CNBD1: variants seen among roughly 807,000 people sequenced by gnomAD.
CNBD1 encodes the protein cyclic nucleotide binding domain containing 1, also known as cyclic nucleotide-binding domain-containing protein 1.
In CNBD1, 71 loss-of-function variants were observed where a neutral mutation model predicts 54.4. The observed-to-expected ratio is 1.30, with a 90% CI of 1.08 to 1.59. CNBD1 has a LOEUF of 1.59. CNBD1 is among the 40% of genes most tolerant of loss of function. CNBD1 has a pLI of 0.00. For missense variants in CNBD1, 659 were observed against 518.0 expected (o/e 1.27, Z -2.64); for synonymous variants, 182 against 170.7 (o/e 1.07, Z -0.51).
chr8:86,867,215 T>C (rs1186986874), intron 1 of CNBD1, among the ~76,000 whole-genome samples: 1 of 148,934 alleles, frequency 6.7e-6, no homozygotes, highest in Non-Finnish European at 1.5e-5. Flanking sequence ...CTCATGGCCA[T>C]CGAATTTATA....
chr8:86,870,642 G>A (rs1343467859), intron 1 of CNBD1, among the ~76,000 whole-genome samples: 2 of 151,986 alleles, frequency 1.3e-5, no homozygotes, highest in Non-Finnish European at 2.9e-5. Context: ...TCAGTTCTTT[G>A]GTAGCCAAGG....
intron 4 of CNBD1, among the ~76,000 whole-genome samples, chr8:87,162,629 A>G (rs1812880974): frequency 6.6e-6 from 1 of 152,088 alleles, no homozygotes; most frequent in African/African-American, 2.4e-5. Flanking sequence ...TTTGTAAAAA[A>G]CATAAATTAA....
chr8:87,186,454 C>G (rs1813477960), intron 4 of CNBD1, among the ~76,000 whole-genome samples: 1 of 152,076 alleles, frequency 6.6e-6, no homozygotes, highest in Non-Finnish European at 1.5e-5. Flanking sequence ...ATTCTCTACC[C>G]TATTCCTAGT....
At chr8:86,884,404 C>T (rs545659478) in intron 1 of CNBD1, among the ~76,000 whole-genome samples, 3 of 152,142 alleles carry the variant, frequency 2.0e-5, no homozygotes, top group African/African-American at 7.2e-5. Flanking sequence ...TATTTAGTCA[C>T]CCTTTTTGGG....
intron 8 of CNBD1, among the ~76,000 whole-genome samples, chr8:87,348,795 C>G (rs936788966): frequency 6.6e-6 from 1 of 152,164 alleles, no homozygotes; most frequent in African/African-American, 2.4e-5. Flanking sequence ...GTAACTTCTT[C>G]TGGCTTAATT....
chr8:87,272,386 T>G (rs1173172753), intron 6 of CNBD1, among the ~76,000 whole-genome samples: 1 of 151,960 alleles, frequency 6.6e-6, no homozygotes, highest in Non-Finnish European at 1.5e-5. Context: ...ATTGAAAAAT[T>G]TTAAATTATT....
chr8:86,959,311 C>A (rs1369074424), intron 4 of CNBD1, among the ~76,000 whole-genome samples: 1 of 152,150 alleles, frequency 6.6e-6, no homozygotes, highest in African/African-American at 2.4e-5. Context: ...TTTGGTGAAT[C>A]TGACAATTAT....
chr8:87,128,480 G>T lies in CNBD1; in HGVS notation c.432-77513G>T, dbSNP rs116528580. ...CCCTGTTGCAAGTTCTGTGAGGGAC[G>T]TCAGGGAACTCGCCTATTTCACAGG... is the stretch of plus-strand genomic sequence containing the variant. On this transcript the variant is annotated intron_variant, in intron 4 of 10. Coordinates refer to ENST00000518476, the MANE Select transcript of CNBD1 (RefSeq NM_173538.3). 6.5e-3 allele frequency among the ~76,000 whole-genome samples: 989 copies of T among 152,282 alleles called. 16 individuals are homozygous for T. Among genetic ancestry groups the T allele is most frequent in the African/African-American group, 0.023 (936 of 41,550 alleles).
At chr8:87,043,218 T>C (rs926663044) in intron 4 of CNBD1, among the ~76,000 whole-genome samples, 4 of 152,150 alleles carry the variant, frequency 2.6e-5, no homozygotes, top group Non-Finnish European at 5.9e-5. Flanking sequence ...TGTTTGCAAT[T>C]AGCCTTCTCT....
intron 6 of CNBD1, among the ~76,000 whole-genome samples, chr8:87,266,258 G>A (rs921890990): frequency 2.0e-5 from 3 of 151,172 alleles, no homozygotes; most frequent in Admixed American, 2.0e-4. Flanking sequence ...AGAGCAAAAG[G>A]CTAAGAATAC....
chr8:87,282,915 G>A (rs988700434), intron 6 of CNBD1, among the ~76,000 whole-genome samples: 2 of 152,062 alleles, frequency 1.3e-5, no homozygotes, highest in South Asian at 2.1e-4. Context: ...GAATATAAAA[G>A]CAAATGCATC....
chr8:87,255,197 C>G (rs183443271), intron 6 of CNBD1, among the ~76,000 whole-genome samples: 1 of 151,930 alleles, frequency 6.6e-6, no homozygotes, highest in African/African-American at 2.4e-5. Context: ...AAAAAAAAGT[C>G]GACAGAGACA....
chr8:87,270,276 A>T (rs952896069), intron 6 of CNBD1, among the ~76,000 whole-genome samples: 1 of 152,032 alleles, frequency 6.6e-6, no homozygotes, highest in Non-Finnish European at 1.5e-5. Context: ...AGGAAAAACA[A>T]ACAACCTCAT....
Position 87,163,654 on chromosome 8 carries a change from G to A in CNBD1, c.432-42339G>A, listed in dbSNP as rs769271984. Among the ~76,000 whole-genome samples, 1 of 151,458 alleles carries A rather than the reference G, an allele frequency of 6.6e-6. No homozygotes were observed. The highest frequency in any genetic ancestry group is 1.5e-5 in the Non-Finnish European group (1 of 67,768). ...AAAATGCAACTGATATTTGTAGGTT[G>A]ATTTTGTTTCCTGCAAATTTATTGA... On this transcript the variant is annotated intron_variant, in intron 4 of 10. Coordinates refer to ENST00000518476, the MANE Select transcript of CNBD1 (RefSeq NM_173538.3). This position sits in a 1 kb window ranked among gnomAD's most constrained non-coding sequence, Gnocchi z 4.5.
chr8:87,405,457 T>G (rs547772863), intron 2 of CNBD1, among the ~76,000 whole-genome samples: 1 of 152,102 alleles, frequency 6.6e-6, no homozygotes, highest in Non-Finnish European at 1.5e-5. Flanking sequence ...TACGAGATTA[T>G]GTAATGCAAG....
intron 4 of CNBD1, among the ~76,000 whole-genome samples, chr8:87,124,673 T>C (rs1811957029): frequency 6.6e-6 from 1 of 151,806 alleles, no homozygotes; most frequent in Admixed American, 6.6e-5. Context: ...AGGCCATATA[T>C]GACAAACTTG....
At chr8:86,985,657 A>G (rs1808590030) in intron 4 of CNBD1, among the ~76,000 whole-genome samples, 1 of 152,152 alleles carries the variant, frequency 6.6e-6, no homozygotes, top group Non-Finnish European at 1.5e-5. Context: ...ACTGCAATGA[A>G]CATGTAAGTG....
intron 8 of CNBD1, among the ~76,000 whole-genome samples, chr8:87,303,109 T>C (rs1348976805): frequency 3.9e-5 from 6 of 151,906 alleles, no homozygotes; most frequent in Admixed American, 6.6e-5. Context: ...CTACCAATGA[T>C]TTTCTTCACA....
intron 4 of CNBD1, among the ~76,000 whole-genome samples, chr8:86,970,594 T>G (rs1263920981): frequency 6.6e-6 from 1 of 150,624 alleles, no homozygotes; most frequent in African/African-American, 2.4e-5. Context: ...TTTTCAACCC[T>G]TCCCCTCTTC....
Sources: allele counts gnomAD v4.1 joint callset (sites outside exome capture counted in the v4.1 genomes callset), GRCh38; gene constraint gnomAD v4.1.1; non-coding constraint Gnocchi (gnomAD v3.1); transcripts MANE v1.5; gene names NCBI Gene and HGNC (gene_info 2026-07-23, HGNC 2026-07-21).